DMXL2: variants seen among roughly 807,000 people sequenced by gnomAD.
DMXL2 encodes the protein Dmx like 2.
In DMXL2, 103 loss-of-function variants were observed where a neutral mutation model predicts 331.1. That is an observed-to-expected ratio of 0.31 (90% CI 0.27 to 0.37). The LOEUF (loss-of-function observed/expected upper bound fraction) is 0.37, where lower values mean the gene tolerates loss of function less well. Ranked by LOEUF, DMXL2 falls within the 10% of genes least tolerant of loss-of-function variation. The probability of loss-of-function intolerance (pLI) is 1.00; values close to 1 mark genes in which losing one functional copy is unlikely to be tolerated. For missense variants in DMXL2, 3,171 were observed against 3,642.9 expected, an observed-to-expected ratio of 0.87 and a Z score of 3.33; for synonymous variants, 1,281 against 1,252.1, an observed-to-expected ratio of 1.02 and a Z score of -0.49.
chr15:51,468,736 C>T (rs1566991113), intron 29 of DMXL2, among the ~76,000 whole-genome samples: 1 of 152,104 alleles, frequency 6.6e-6, no homozygotes, highest in Admixed American at 6.5e-5. Context: ...CAAAGATCAA[C>T]TAAAATCATA....
At chr15:51,509,476 G>C (rs141883532) in intron 15 of DMXL2, among the ~76,000 whole-genome samples, 10 of 152,194 alleles carry the variant, frequency 6.6e-5, no homozygotes, top group East Asian at 1.9e-4. Flanking sequence ...ATAAATTCCT[G>C]GACACATACA....
chr15:51,517,467 G>C (rs952814129), intron 13 of DMXL2, among the ~76,000 whole-genome samples: 1 of 152,246 alleles, frequency 6.6e-6, no homozygotes, highest in Admixed American at 6.5e-5. Flanking sequence ...CCCAATGCCT[G>C]AGTGGTCTGC....
In DMXL2 at chr15:51,517,182, C is replaced by T. The variant is rs200659050; in HGVS notation, c.2437-15G>A. 5.6e-6 allele frequency: 9 copies of T among 1,593,916 alleles called. No individual in the cohort carries two copies. The East Asian group carries it at 1.8e-4, about 32-fold the overall frequency. On this transcript the variant is annotated splice_polypyrimidine_tract_variant and intron_variant, in intron 13 of 43. Coordinates refer to ENST00000560891, the MANE Select transcript of DMXL2 (RefSeq NM_001378457.1). ...CCAATAAGTTTCTGTAAATAAAAAA[C>T]ACAAAATGTTAATGGCCAACAAATT...
intron 23 of DMXL2, among the ~76,000 whole-genome samples, chr15:51,483,687 C>T (rs1399617746): frequency 6.6e-6 from 1 of 151,968 alleles, no homozygotes; most frequent in African/African-American, 2.4e-5. Flanking sequence ...TTCTGGCCTG[C>T]CAAAGGCCCT....
chr15:51,622,435 C>G (rs768013238), intron 1 of DMXL2, 24 bp downstream of exon 1: 1 of 1,552,620 alleles, frequency 6.4e-7, no homozygotes, highest in South Asian at 1.2e-5. Flanking sequence ...GTATCTTCCC[C>G]TAGGGCTCCC....
intron 20 of DMXL2, among the ~76,000 whole-genome samples, chr15:51,491,120 G>A (rs548786992): frequency 6.6e-6 from 1 of 152,252 alleles, no homozygotes; most frequent in South Asian, 2.1e-4. Context: ...TAAAGGTCAA[G>A]TTTTTGTAAT....
chr15:51,480,459 G>T (rs1386139553), intron 24 of DMXL2, 83 bp downstream of exon 24: 2 of 1,421,698 alleles, frequency 1.4e-6, no homozygotes, highest in Non-Finnish European at 1.9e-6. Context: ...GTAAAAAGTA[G>T]TAAAAGAGCT....
intron 13 of DMXL2, among the ~76,000 whole-genome samples, chr15:51,531,556 T>C (rs1217548238): frequency 1.3e-5 from 2 of 151,728 alleles, no homozygotes; most frequent in African/African-American, 4.8e-5. Flanking sequence ...TTAAAAAGCA[T>C]AGGATACAAT....
At position 51,622,547 on chromosome 15, in the gene DMXL2, T is replaced by G. The variant is rs1303621606; in HGVS notation, c.-2A>C. The G allele has an allele frequency of 1.9e-6, 3 of 1,552,680 alleles. No homozygotes were observed. Among genetic ancestry groups the G allele is most frequent in the Admixed American group, 3.9e-5 (2 of 51,520 alleles). On this transcript the variant is annotated 5_prime_UTR_variant, in exon 1 of 44. Transcript: ENST00000560891. ...GGTGAGGACCTGATGCAGATGCATC[T>G]CCGGAGCCCGGGCTGGACAGAATGC...
intron 42 of DMXL2, 93 bp downstream of exon 42, chr15:51,451,552 C>G: frequency 2.1e-6 from 2 of 968,436 alleles, no homozygotes; most frequent in Admixed American, 4.7e-5. Flanking sequence ...AATAAACACT[C>G]ACTGGATTCA....
Position 51,501,561 on chromosome 15 carries a change from T to C in DMXL2, c.2992+1245A>G, listed in dbSNP as rs553484849. Among the ~76,000 whole-genome samples, 3 of 152,358 alleles carry C rather than the reference T, an allele frequency of 2.0e-5. No individual in the cohort carries two copies. In the South Asian group the frequency reaches 6.2e-4, roughly 32 times the overall value. On this transcript the variant is annotated intron_variant, in intron 17 of 43. Transcript: ENST00000560891. The stretch of plus-strand genomic sequence containing the variant: ...AGCCTCAGTGGTTTACAAATGAATG[T>C]ATTTGTTCTTCAAAATTTTACTATC...
chr15:51,466,334 T>A, intron 29 of DMXL2, 23 bp from the exon 30 acceptor site: 1 of 1,145,252 alleles, frequency 8.7e-7, no homozygotes, highest in Non-Finnish European at 1.2e-6. Context: ...GTAAAATTAT[T>A]TTTTTAAAGA....
At chr15:51,558,120 T>C (rs183083675) in intron 6 of DMXL2, among the ~76,000 whole-genome samples, 1 of 152,360 alleles carries the variant, frequency 6.6e-6, no homozygotes, top group Admixed American at 6.5e-5. Context: ...TGAGAACTGA[T>C]GCCTGGCCCT....
chr15:51,541,272 A>C (rs2048579368), intron 9 of DMXL2, among the ~76,000 whole-genome samples: 1 of 152,162 alleles, frequency 6.6e-6, no homozygotes, highest in Non-Finnish European at 1.5e-5. Context: ...TAGATATTTC[A>C]ATAGCCACGT....
At chr15:51,614,086 G>C (rs1042738099) in intron 1 of DMXL2, among the ~76,000 whole-genome samples, 1 of 152,162 alleles carries the variant, frequency 6.6e-6, no homozygotes, top group African/African-American at 2.4e-5. Context: ...AGATCTTAAG[G>C]GTGGGGCCCT....
At chr15:51,450,618 T>C in intron 42 of DMXL2, 1 of 409,862 alleles carries the variant, frequency 2.4e-6, no homozygotes, top group South Asian at 2.2e-5. Flanking sequence ...TGATACTGCC[T>C]CATAAAAAGT....
Position 51,474,466 on chromosome 15 carries a change from T to C in DMXL2, c.7091A>G (p.Asn2364Ser), listed in dbSNP as rs2041478740. The change falls in exon 28 of 44, where the codon AAT becomes AGT. Residue 2364 changes from asparagine to serine, a missense_variant. Physicochemically the swap from Asn to Ser is conservative, Grantham distance 46 (BLOSUM62 1). Transcript: ENST00000560891. ...LSLLIHALAT[N>S]SSSELFRLAA... ...AAGCCGAAATAATTCACTGGAGGAA[T>C]TTGTGGCAAGAGCATGTATCAATAA... The C allele has an allele frequency of 6.2e-7, 1 of 1,614,168 alleles. No homozygotes were observed.
intron 1 of DMXL2, among the ~76,000 whole-genome samples, chr15:51,590,785 G>A (rs1273863466): frequency 1.3e-5 from 2 of 152,088 alleles, no homozygotes; most frequent in African/African-American, 4.8e-5. Flanking sequence ...TCTAGACCAG[G>A]CACACAGGGC....
At position 51,471,473 on chromosome 15, in the gene DMXL2, T is replaced by C. The variant is rs1010973069; in HGVS notation, c.7214-72A>G. The C allele has an allele frequency of 6.6e-5, 92 of 1,392,310 alleles. No individual in the cohort carries two copies. The Middle Eastern group carries it at 6.7e-4, about 10-fold the overall frequency. 86.2% of individuals were successfully genotyped at this position (1,392,310 alleles called of 1,614,324 possible). On this transcript the variant is annotated intron_variant, in intron 28 of 43. Transcript: ENST00000560891. ...TGTTAATTGATAGAGTTAAGCTTTCTTTTTATCCTACTCTTGCCATGTTTT... is the reference window on the plus strand; with the variant it reads ...TGTTAATTGATAGAGTTAAGCTTTCCTTTTATCCTACTCTTGCCATGTTTT...
Sources: allele counts gnomAD v4.1 joint callset (sites outside exome capture counted in the v4.1 genomes callset), GRCh38; gene constraint gnomAD v4.1.1; transcripts MANE v1.5; gene names NCBI Gene and HGNC (gene_info 2026-07-23, HGNC 2026-07-21).